CCDC90B: variants seen among roughly 807,000 people sequenced by gnomAD.
The protein encoded by CCDC90B is coiled-coil domain-containing protein 90B, mitochondrial.
CCDC90B carries 24 observed loss-of-function variants against 37.0 expected under a neutral mutation model. The ratio of observed to expected loss-of-function variants is 0.65; its 90% CI spans 0.47 to 0.91. The LOEUF (loss-of-function observed/expected upper bound fraction) is 0.91. Among genes scored for constraint, CCDC90B ranks in the 40% least tolerant of loss-of-function variants. The pLI is 0.00. For synonymous variants in CCDC90B, 113 were observed against 101.1 expected (o/e 1.12, Z -0.71); for missense variants, 319 against 299.0 (o/e 1.07, Z -0.49).
intron 8 of CCDC90B, among the ~76,000 whole-genome samples, chr11:83,263,798 C>G (rs548525978): frequency 5.3e-5 from 8 of 152,270 alleles, no homozygotes; most frequent in African/African-American, 1.7e-4. Context: ...TTGAGGCACA[C>G]AGTCACAGAT....
chr11:83,265,285 T>A (rs1235298194), intron 8 of CCDC90B, among the ~76,000 whole-genome samples: 1 of 152,170 alleles, frequency 6.6e-6, no homozygotes, highest in Non-Finnish European at 1.5e-5. Context: ...GCTGAATCAG[T>A]TGATTCAAGG....
intron 3 of CCDC90B, among the ~76,000 whole-genome samples, chr11:83,277,121 G>A (rs1591054521): frequency 1.3e-5 from 2 of 152,280 alleles, no homozygotes; most frequent in South Asian, 4.1e-4. Context: ...AAGTTTAATA[G>A]TGATATTTCT....
Position 83,265,904 on chromosome 11 carries a change from T to C in CCDC90B, c.670A>G (p.Met224Val). Reference sequence around the variant, plus strand: ...ATTGTCTCAAGTTTGTTAGATTCCATCAGTGTTTTTAAGGAAGCAATTTCA... The same window carrying C: ...ATTGTCTCAAGTTTGTTAGATTCCACCAGTGTTTTTAAGGAAGCAATTTCA... ...DAEIASLKTL[M>V]ESNKLETIRY... Residue 224 changes from methionine (M) to valine (V), a missense_variant, in exon 8 of 9, where the codon ATG (methionine) becomes GTG (valine). By Grantham distance (21) the Met-to-Val change is conservative. Coordinates refer to ENST00000529689, the MANE Select transcript of CCDC90B (RefSeq NM_021825.5). 1 of 1,611,326 alleles carries C rather than the reference T, an allele frequency of 6.2e-7. No homozygotes were observed. The highest frequency in any genetic ancestry group is 8.5e-7 in the Non-Finnish European group (1 of 1,178,694).
At chr11:83,263,788 T>C (rs757653313) in intron 8 of CCDC90B, among the ~76,000 whole-genome samples, 1 of 152,106 alleles carries the variant, frequency 6.6e-6, no homozygotes, top group Non-Finnish European at 1.5e-5. Flanking sequence ...GTATGAGAAA[T>C]TGAGGCACAC....
In CCDC90B at chr11:83,286,028, G is replaced by C; in HGVS notation, c.-56C>G. On this transcript the variant is annotated 5_prime_UTR_variant, in exon 1 of 9. Coordinates refer to ENST00000529689, the MANE Select transcript of CCDC90B (RefSeq NM_021825.5). The stretch of plus-strand genomic sequence containing the variant: ...GGAAGACGGGGTAAATCTCGCACAG[G>C]CTTTCGGGCAAGGTAGTTCTGGCAC... 2 of 1,562,092 alleles carry C rather than the reference G, an allele frequency of 1.3e-6. No homozygotes were observed. Among genetic ancestry groups the C allele is most frequent in the Non-Finnish European group, 1.7e-6 (2 of 1,154,224 alleles).
intron 1 of CCDC90B, 35 bp downstream of exon 1, chr11:83,285,838 C>T (rs117343732): frequency 0.017 from 27,771 of 1,591,114 alleles, 295 homozygotes; most frequent in Non-Finnish European, 0.021. Flanking sequence ...CCCTAGAGAG[C>T]ACTCAGGCAT....
chr11:83,285,176 G>A (rs2135680963), intron 1 of CCDC90B: 4 of 1,284,550 alleles, frequency 3.1e-6, no homozygotes, highest in Non-Finnish European at 4.0e-6. Context: ...GTGCCTATTC[G>A]CCTATTTTGT....
chr11:83,273,467 C>T lies in CCDC90B; in HGVS notation c.594+180G>A, dbSNP rs1423494609. 7.6e-5 allele frequency: 33 copies of T among 434,924 alleles called. 1 individual carries two copies. The Admixed American group carries it at 9.6e-4, about 13-fold the overall frequency. 26.9% of individuals were successfully genotyped at this position (434,924 alleles called of 1,614,324 possible). ...TTACTTCAAGGTCATGGCTCATGGG[C>T]GACCATCTACCTGGTGCCAGGTTCC... On this transcript the variant is annotated intron_variant, in intron 7 of 8. Coordinates refer to ENST00000529689, the MANE Select transcript of CCDC90B (RefSeq NM_021825.5).
chr11:83,285,277 A>G (rs1279928167), intron 1 of CCDC90B: 2 of 1,268,320 alleles, frequency 1.6e-6, no homozygotes, highest in East Asian at 5.6e-5. Context: ...AGCCCTAGAA[A>G]CATTTCTCTG....
At chr11:83,285,540 A>C in intron 1 of CCDC90B, 1 of 1,190,164 alleles carries the variant, frequency 8.4e-7, no homozygotes, top group Non-Finnish European at 1.0e-6. Context: ...GGACACCCTC[A>C]AACACAGATT....
At chr11:83,263,175 A>C (rs1365553753) in intron 8 of CCDC90B, among the ~76,000 whole-genome samples, 1 of 152,168 alleles carries the variant, frequency 6.6e-6, no homozygotes, top group African/African-American at 2.4e-5. Context: ...TCTGTCATTT[A>C]TTTGAGTCAC....
rs1277131263 is a variant in CCDC90B, at chr11:83,274,826, TTTG to T, written c.325-89_325-87del. 7.5e-6 allele frequency: 6 copies of T among 803,692 alleles called. No homozygotes were observed. In the African/African-American group the frequency reaches 8.8e-5, roughly 12 times the overall value. 49.8% of individuals were successfully genotyped at this position (803,692 alleles called of 1,614,324 possible). ...ATTGTTTTCATGAAATTTAAATGAA[TTTG>T]TTAACATGCTACAAGGTATAATGTT... On this transcript the variant is annotated intron_variant, in intron 3 of 8. Coordinates refer to ENST00000529689, the MANE Select transcript of CCDC90B (RefSeq NM_021825.5).
At chr11:83,265,356 T>C (rs944941210) in intron 8 of CCDC90B, among the ~76,000 whole-genome samples, 1 of 152,220 alleles carries the variant, frequency 6.6e-6, no homozygotes, top group Non-Finnish European at 1.5e-5. Flanking sequence ...ATTGATCTTT[T>C]TTCTCTAACC....
intron 2 of CCDC90B, among the ~76,000 whole-genome samples, chr11:83,279,278 C>T (rs527622): frequency 2.0e-5 from 3 of 150,726 alleles, no homozygotes; most frequent in Non-Finnish European, 4.4e-5. Context: ...GAGACTCTGT[C>T]TCAAAAAAAA....
chr11:83,262,897 T>C (rs1014126368), intron 8 of CCDC90B, among the ~76,000 whole-genome samples: 2 of 152,194 alleles, frequency 1.3e-5, no homozygotes, highest in African/African-American at 4.8e-5. Context: ...ATTCTCCCAT[T>C]TGATCCTGCT....
chr11:83,264,166 A>G (rs1180884642), intron 8 of CCDC90B, among the ~76,000 whole-genome samples: 1 of 152,180 alleles, frequency 6.6e-6, no homozygotes, highest in Non-Finnish European at 1.5e-5. Flanking sequence ...ATTGTCCTTA[A>G]TAATAAAAAA....
intron 1 of CCDC90B, among the ~76,000 whole-genome samples, chr11:83,281,429 T>TA (rs1399489110): frequency 2.0e-5 from 3 of 152,152 alleles, no homozygotes; most frequent in East Asian, 1.9e-4. Context: ...TTGTTTTTTT[T>TA]AAAAAATCTA....
chr11:83,262,963 C>T (rs1334063884), intron 8 of CCDC90B, among the ~76,000 whole-genome samples: 1 of 152,180 alleles, frequency 6.6e-6, no homozygotes, highest in Non-Finnish European at 1.5e-5. Context: ...ACACACACTA[C>T]TTTATTTAAC....
In CCDC90B at chr11:83,286,339, C is replaced by A. The variant is rs985138395; in HGVS notation, c.-367G>T. 1.3e-5 allele frequency: 10 copies of A among 747,588 alleles called. No individual in the cohort carries two copies. The East Asian group carries it at 2.2e-4, about 16-fold the overall frequency. The allele number at this position is 747,588 out of a possible 1,614,324, so 46.3% of individuals were successfully genotyped here. ...CAAGATAGCCAGCGGCCATTACGCGCTTGGGTCGGGGGAGATGGAGTCGCA... is the reference window on the plus strand; with the variant it reads ...CAAGATAGCCAGCGGCCATTACGCGATTGGGTCGGGGGAGATGGAGTCGCA... On this transcript the variant is annotated 5_prime_UTR_variant, in exon 1 of 9. Transcript: ENST00000529689.
Sources: gnomAD v4.1 joint callset for allele counts (sites outside exome capture counted in the v4.1 genomes callset) on GRCh38, gnomAD v4.1.1 for gene constraint, MANE v1.5 for transcripts, NCBI Gene and HGNC (gene_info 2026-07-23, HGNC 2026-07-21) for gene names.